Variants in ZNF248 observed in about 807,000 individuals in gnomAD.
ZNF248 encodes zinc finger protein 248, also known as KRAB protein domain.
Under a neutral mutation model 44.3 loss-of-function variants are expected in ZNF248, and 20 were observed. The observed-to-expected ratio is 0.45, with a 90% CI of 0.32 to 0.66. The LOEUF (loss-of-function observed/expected upper bound fraction) is 0.66, where lower values mean the gene tolerates loss of function less well. Ranked by LOEUF, ZNF248 falls within the 30% of genes least tolerant of loss-of-function variation. The pLI, the probability that ZNF248 is intolerant of heterozygous loss-of-function variation, is 0.04. For missense variants in ZNF248, 654 were observed against 677.0 expected (o/e 0.97, Z 0.38); for synonymous variants, 224 against 229.0 (o/e 0.98, Z 0.20).
In ZNF248 at chr10:37,784,460, G is replaced by A. The variant is rs959318710; in HGVS notation, c.331-7885C>T. ...GCCACTGATGCCAATTAAGATTTCC[G>A]TCTCCCTGGCTAAATTGGTAAATCA... On this transcript the variant is annotated intron_variant, in intron 6 of 6. Transcript: ENST00000615949. Among the ~76,000 whole-genome samples, 7 of 152,192 alleles carry A rather than the reference G, an allele frequency of 4.6e-5. No homozygotes were observed. In the East Asian group the frequency reaches 5.8e-4, roughly 13 times the overall value.
intron 6 of ZNF248, among the ~76,000 whole-genome samples, chr10:37,822,610 TTA>T (rs1183600853): frequency 6.6e-6 from 1 of 152,124 alleles, no homozygotes; most frequent in African/African-American, 2.4e-5. Context: ...GTTATATTCA[TTA>T]TAATAATATA....
chr10:37,818,544 G>A, intron 6 of ZNF248: 1 of 334,658 alleles, frequency 3.0e-6, no homozygotes, highest in Non-Finnish European at 5.8e-6. Flanking sequence ...CAAACCTGCT[G>A]CTAAATGCTA....
At chr10:37,772,186 A>G (rs181889267), downstream of ZNF248, among the ~76,000 whole-genome samples, 3 of 151,200 alleles carry the variant, frequency 2.0e-5, no homozygotes, top group Admixed American at 2.0e-4. Flanking sequence ...AATCACTTGA[A>G]CCCGGGAGGT....
At chr10:37,799,860 C>A (rs1049897892) in intron 6 of ZNF248, among the ~76,000 whole-genome samples, 4 of 152,134 alleles carry the variant, frequency 2.6e-5, no homozygotes, top group Admixed American at 2.6e-4. Context: ...ATATTATCTA[C>A]AATAATGAGT....
In ZNF248 at chr10:37,817,585, A is replaced by G. The variant is rs145669287; in HGVS notation, c.330+15440T>C. On this transcript the variant is annotated intron_variant, in intron 6 of 6. Transcript: ENST00000615949. ...CAATTGCAAACAGGAGACCAGAGAG[A>G]GGAGAAAGCTGCATCTGATTGGAAT... Among the ~76,000 whole-genome samples the G allele has an allele frequency of 2.6e-3, 395 of 152,250 alleles. 3 individuals are homozygous for G. The highest frequency in any genetic ancestry group is 0.011 in the Admixed American group (163 of 15,286).
intron 6 of ZNF248, among the ~76,000 whole-genome samples, chr10:37,788,262 T>TAAAAAA (rs59927437): frequency 9.1e-6 from 1 of 110,346 alleles, no homozygotes; most frequent in East Asian, 2.6e-4. Flanking sequence ...GACTCCATCT[T>TAAAAAA]AAAAAAAAAA....
chr10:37,823,094 G>C (rs1393495471), intron 6 of ZNF248, among the ~76,000 whole-genome samples: 1 of 152,026 alleles, frequency 6.6e-6, no homozygotes, highest in East Asian at 1.9e-4. Context: ...CCAGCACTTT[G>C]GGAGGCCGAG....
intron 6 of ZNF248, chr10:37,820,400 G>C: frequency 1.3e-6 from 2 of 1,503,088 alleles, no homozygotes; most frequent in African/African-American, 1.4e-5. Flanking sequence ...CTGACATGAG[G>C]CTGTTGGCAG....
At chr10:37,778,244 G>A (rs1175914267) in intron 6 of ZNF248, among the ~76,000 whole-genome samples, 1 of 150,690 alleles carries the variant, frequency 6.6e-6, no homozygotes, top group South Asian at 2.1e-4. Context: ...GGTGTGAGAT[G>A]GTATCTCATT....
chr10:37,762,492 G>A, the ZNF248 span, among the ~76,000 whole-genome samples: 1 of 152,208 alleles, frequency 6.6e-6, no homozygotes, highest in African/African-American at 2.4e-5. Flanking sequence ...TGTATCAGGG[G>A]TAAGCAAACT....
At chr10:37,765,658 C>T in the ZNF248 span, among the ~76,000 whole-genome samples, 2 of 152,196 alleles carry the variant, frequency 1.3e-5, no homozygotes, top group African/African-American at 2.4e-5. Context: ...CCAAGATGGC[C>T]GAATAGGAAC....
chr10:37,817,789 C>G (rs1442190021), intron 6 of ZNF248, among the ~76,000 whole-genome samples: 1 of 152,192 alleles, frequency 6.6e-6, no homozygotes, highest in Non-Finnish European at 1.5e-5. Flanking sequence ...AAGTCAAACA[C>G]CATCCCCAGC....
Position 37,832,126 on chromosome 10 carries a change from C to T in ZNF248, c.1229G>A (p.Cys410Tyr), listed in dbSNP as rs764162240. ...RTHTGEKPYE[C>Y]TECGKAFCQK... ...GCAAAAGGCTTTCCCACATTCAGTA[C>T]ATTCATAGGGCTTCTCTCCTGTGTG... The change falls in exon 6 of 6, where the codon TGT (cysteine) becomes TAT (tyrosine). Residue 410 changes from cysteine (C) to tyrosine (Y), a missense_variant. Coordinates refer to ENST00000395867, the MANE Select transcript of ZNF248 (RefSeq NM_021045.3). 2.5e-6 allele frequency: 4 copies of T among 1,614,026 alleles called. No homozygotes were observed. The highest frequency in any genetic ancestry group is 3.4e-6 in the Non-Finnish European group (4 of 1,179,938).
In ZNF248 at chr10:37,856,501, T is replaced by C. The variant is rs2061318303; in HGVS notation, c.-94A>G. 3.2e-6 allele frequency: 4 copies of C among 1,241,968 alleles called. No homozygotes were observed. The South Asian group carries it at 1.5e-4, about 45-fold the overall frequency. 76.9% of individuals were successfully genotyped at this position (1,241,968 alleles called of 1,614,324 possible). ...ACACTTTTCACTGAGTGAATGTAAATATTTCTTATTGATTTATTACCAATT... is the reference window on the plus strand; with the variant it reads ...ACACTTTTCACTGAGTGAATGTAAACATTTCTTATTGATTTATTACCAATT... On this transcript the variant is annotated 5_prime_UTR_variant, in exon 2 of 6. It adds an upstream start codon to the 5' untranslated region. Transcript: ENST00000395867.
chr10:37,769,219 C>T, the ZNF248 span, among the ~76,000 whole-genome samples: 1 of 152,138 alleles, frequency 6.6e-6, no homozygotes, highest in South Asian at 2.1e-4. Context: ...ACCATTCCTT[C>T]TGAAACTATT....
chr10:37,782,412 A>G (rs2047418121), intron 6 of ZNF248, among the ~76,000 whole-genome samples: 1 of 152,096 alleles, frequency 6.6e-6, no homozygotes, highest in Non-Finnish European at 1.5e-5. Flanking sequence ...CATATTGGGA[A>G]AAGGTGAATA....
intron 6 of ZNF248, among the ~76,000 whole-genome samples, chr10:37,812,245 GAAGA>G (rs1398550690): frequency 6.6e-6 from 1 of 151,854 alleles, no homozygotes; most frequent in African/African-American, 2.4e-5. Context: ...TCAAAAAAAG[GAAGA>G]AAGAAAATCA....
In ZNF248 at chr10:37,846,832, G is replaced by C. The variant is rs530932675; in HGVS notation, c.16-8721C>G. Among the ~76,000 whole-genome samples, 55 of 151,998 alleles carry C rather than the reference G, an allele frequency of 3.6e-4. 1 individual carries two copies. Among genetic ancestry groups the C allele is most frequent in the Non-Finnish European group, 4.4e-4 (30 of 68,000 alleles). ...AACATAACCACAGTGACACAACAAG[G>C]AAAATCTTCAATAAATACACTACAG... On this transcript the variant is annotated intron_variant, in intron 3 of 5. Coordinates refer to ENST00000395867, the MANE Select transcript of ZNF248 (RefSeq NM_021045.3).
the ZNF248 span, among the ~76,000 whole-genome samples, chr10:37,766,730 A>G: frequency 2.0e-5 from 3 of 152,214 alleles, no homozygotes; most frequent in African/African-American, 4.8e-5. Flanking sequence ...TCCTCCTCCA[A>G]AGGAACACAG....
Sources: gnomAD v4.1 joint callset for allele counts (sites outside exome capture counted in the v4.1 genomes callset) on GRCh38, gnomAD v4.1.1 for gene constraint, MANE v1.5 for transcripts, NCBI Gene and HGNC (gene_info 2026-07-23, HGNC 2026-07-21) for gene names.